The following ACAP2 variants were observed in gnomAD, a reference collection of about 807,000 sequenced individuals.
ACAP2 encodes the protein arf-GAP with coiled-coil, ANK repeat and PH domain-containing protein 2.
A neutral mutation model predicts 115.8 loss-of-function variants in ACAP2; 39 were observed. That is an observed-to-expected ratio of 0.34 (90% CI 0.26 to 0.44). ACAP2 has a LOEUF of 0.44. ACAP2 is among the 20% of genes least tolerant of loss of function. ACAP2 has a pLI of 1.00. For missense variants in ACAP2, 662 were observed against 927.6 expected, an observed-to-expected ratio of 0.71 and a Z score of 3.72; for synonymous variants, 289 against 315.8, an observed-to-expected ratio of 0.92 and a Z score of 0.90.
intron 1 of ACAP2, among the ~76,000 whole-genome samples, chr3:195,416,149 C>T (rs903250754): frequency 2.6e-5 from 4 of 152,066 alleles, no homozygotes; most frequent in South Asian, 2.1e-4. Context: ...AGTTCGAGAC[C>T]GCCCTGGCTA....
intron 1 of ACAP2, among the ~76,000 whole-genome samples, chr3:195,394,250 G>A (rs1457755940): frequency 6.6e-6 from 1 of 152,050 alleles, no homozygotes; most frequent in Non-Finnish European, 1.5e-5. Flanking sequence ...CCCCATAGCA[G>A]TACAGACACG....
chr3:195,345,919 G>A (rs1474062528), intron 4 of ACAP2, among the ~76,000 whole-genome samples: 1 of 152,136 alleles, frequency 6.6e-6, no homozygotes, highest in African/African-American at 2.4e-5. Context: ...ATGGCTCTGT[G>A]TATGATAAAC....
intron 1 of ACAP2, among the ~76,000 whole-genome samples, chr3:195,404,399 A>G (rs1165381844): frequency 6.6e-6 from 1 of 152,188 alleles, no homozygotes; most frequent in East Asian, 1.9e-4. Flanking sequence ...ATGTGCTTCT[A>G]AGGAAGAGAT....
chr3:195,436,671 T>C (rs1715562289), intron 1 of ACAP2, among the ~76,000 whole-genome samples: 2 of 152,138 alleles, frequency 1.3e-5, no homozygotes, highest in Admixed American at 6.5e-5. Flanking sequence ...CCAAAATACA[T>C]AGAAAGACAT....
chr3:195,311,709 G>C (rs948731774), intron 10 of ACAP2, among the ~76,000 whole-genome samples: 2 of 151,670 alleles, frequency 1.3e-5, no homozygotes, highest in Non-Finnish European at 2.9e-5. Context: ...GCTAATTTTT[G>C]TATTTTTAGT....
At chr3:195,392,428 G>A (rs187167482) in intron 1 of ACAP2, among the ~76,000 whole-genome samples, 8 of 152,248 alleles carry the variant, frequency 5.3e-5, no homozygotes, top group African/African-American at 1.2e-4. Context: ...TATTTAGCAC[G>A]TACTTTTTAA....
At chr3:195,374,291 G>A (rs534818854) in intron 4 of ACAP2, among the ~76,000 whole-genome samples, 2 of 152,130 alleles carry the variant, frequency 1.3e-5, no homozygotes, top group African/African-American at 4.8e-5. Context: ...TAGGGAGGCC[G>A]AGGCACAAGA....
chr3:195,388,865 T>C (rs1397489887), intron 2 of ACAP2, among the ~76,000 whole-genome samples: 1 of 151,742 alleles, frequency 6.6e-6, no homozygotes, highest in Admixed American at 6.6e-5. Flanking sequence ...CTACTATAAA[T>C]ACGAAAAAAT....
intron 1 of ACAP2, among the ~76,000 whole-genome samples, chr3:195,405,390 T>G (rs760368186): frequency 6.6e-6 from 1 of 152,146 alleles, no homozygotes; most frequent in African/African-American, 2.4e-5. Context: ...TTCATTGCTA[T>G]AAAGAAACAC....
At chr3:195,364,257 TA>T (rs776558333) in intron 4 of ACAP2, among the ~76,000 whole-genome samples, 4 of 152,146 alleles carry the variant, frequency 2.6e-5, no homozygotes, top group Non-Finnish European at 5.9e-5. Context: ...AAAAATCTAA[TA>T]ATCTAATTAA....
At chr3:195,422,229 C>G (rs530630936) in intron 1 of ACAP2, among the ~76,000 whole-genome samples, 1 of 151,960 alleles carries the variant, frequency 6.6e-6, no homozygotes, top group Non-Finnish European at 1.5e-5. Flanking sequence ...CTTTTTTTAA[C>G]TGATGTATTT....
intron 4 of ACAP2, among the ~76,000 whole-genome samples, chr3:195,363,054 T>A (rs1732475758): frequency 6.6e-6 from 1 of 152,100 alleles, no homozygotes; most frequent in Non-Finnish European, 1.5e-5. Flanking sequence ...ATATTTGGAC[T>A]AAAGACCACC....
chr3:195,432,786 C>T (rs752732226), intron 1 of ACAP2, among the ~76,000 whole-genome samples: 12 of 152,170 alleles, frequency 7.9e-5, no homozygotes, highest in Non-Finnish European at 1.5e-4. Flanking sequence ...ATATTGCCAT[C>T]TTAACAATAT....
intron 4 of ACAP2, among the ~76,000 whole-genome samples, chr3:195,379,101 A>C (rs879755235): frequency 2.0e-5 from 3 of 152,112 alleles, no homozygotes; most frequent in Admixed American, 6.5e-5. Context: ...AGAGAAATCA[A>C]ATATACCAAA....
intron 4 of ACAP2, among the ~76,000 whole-genome samples, chr3:195,356,670 C>T (rs1267302913): frequency 2.6e-5 from 4 of 152,014 alleles, no homozygotes; most frequent in African/African-American, 9.7e-5. Context: ...AGGCATCAGG[C>T]AGAGTCGTGA....
chr3:195,309,389 T>C (rs376346383), intron 10 of ACAP2, among the ~76,000 whole-genome samples: 3 of 151,872 alleles, frequency 2.0e-5, no homozygotes, highest in South Asian at 2.1e-4. Context: ...TAATAAAATA[T>C]ACAAAAATTA....
In ACAP2 at chr3:195,297,078, T is replaced by C. The variant is rs1308892798; in HGVS notation, c.1487+112A>G. On this transcript the variant is annotated intron_variant, in intron 16 of 22. Transcript: ENST00000326793. ...GAGATAGCCAACATTCGAACAGAAGTGGTAATGACTGCTTCTAAACACTTT... is the reference window on the plus strand; with the variant it reads ...GAGATAGCCAACATTCGAACAGAAGCGGTAATGACTGCTTCTAAACACTTT... 5 of 836,748 alleles carry C rather than the reference T, an allele frequency of 6.0e-6. No homozygotes were observed. In the East Asian group the frequency reaches 7.3e-5, roughly 12 times the overall value. 51.8% of individuals were successfully genotyped at this position (836,748 alleles called of 1,614,324 possible).
chr3:195,388,637 A>G (rs1167387092), intron 2 of ACAP2, among the ~76,000 whole-genome samples: 3 of 152,188 alleles, frequency 2.0e-5, no homozygotes, highest in Non-Finnish European at 4.4e-5. Context: ...CTTCACTGAC[A>G]CTACCTTCAA....
chr3:195,409,879 C>CAAAAA (rs59779977), intron 1 of ACAP2, among the ~76,000 whole-genome samples: 1 of 56,994 alleles, frequency 1.8e-5, no homozygotes, highest in Non-Finnish European at 2.8e-5. Flanking sequence ...GACTCCATCT[C>CAAAAA]AAAAAAAAAA....
Sources: allele counts gnomAD v4.1 joint callset (sites outside exome capture counted in the v4.1 genomes callset), GRCh38; gene constraint gnomAD v4.1.1; transcripts MANE v1.5; gene names NCBI Gene and HGNC (gene_info 2026-07-23, HGNC 2026-07-21).